The following SLC39A9 variants were observed in gnomAD, a reference collection of about 807,000 sequenced individuals.
The protein encoded by SLC39A9 is zinc transporter ZIP9.
SLC39A9 carries 14 observed loss-of-function variants against 28.4 expected under a neutral mutation model. That is an observed-to-expected ratio of 0.49 (90% CI 0.33 to 0.77). The LOEUF is 0.77. Ranked by LOEUF, SLC39A9 falls within the 30% of genes least tolerant of loss-of-function variation. SLC39A9 has a pLI of 0.02. For missense variants in SLC39A9, 283 were observed against 381.1 expected (o/e 0.74, Z 2.14); for synonymous variants, 119 against 149.6 (o/e 0.80, Z 1.49).
At chr14:69,418,134 G>T (rs554318490) in intron 1 of SLC39A9, among the ~76,000 whole-genome samples, 1 of 152,182 alleles carries the variant, frequency 6.6e-6, no homozygotes, top group African/African-American at 2.4e-5. Flanking sequence ...TTTGAGGTAC[G>T]TCCCATCAGT....
chr14:69,398,619 C>G, upstream of SLC39A9: 1 of 269,950 alleles, frequency 3.7e-6, no homozygotes, highest in East Asian at 1.0e-4. Flanking sequence ...TATCCTGGGC[C>G]GGAGGTCGGT....
intron 2 of SLC39A9, among the ~76,000 whole-genome samples, chr14:69,430,997 C>T (rs192009518): frequency 6.6e-6 from 1 of 152,152 alleles, no homozygotes; most frequent in Non-Finnish European, 1.5e-5. Context: ...TTAAAATCAG[C>T]TTGTCAAATA....
chr14:69,420,599 G>C (rs1353070006), intron 1 of SLC39A9, among the ~76,000 whole-genome samples: 1 of 152,150 alleles, frequency 6.6e-6, no homozygotes, highest in East Asian at 1.9e-4. Context: ...GTGTTTTCCA[G>C]CTTGGTTCCA....
In SLC39A9 at chr14:69,459,987, A is replaced by G. The variant is rs1237841779; in HGVS notation, c.*1394A>G. 1 of 984,964 alleles carries G rather than the reference A, an allele frequency of 1.0e-6. No homozygotes were observed. The highest frequency in any genetic ancestry group is 1.1e-4 in the East Asian group (1 of 8,822). 61.0% of individuals were successfully genotyped at this position (984,964 alleles called of 1,614,324 possible). ...CATGTGTAAATTGACACAATCACTA[A>G]TCTGGTAATTTAAACAATTGAGATA... On this transcript the variant is annotated 3_prime_UTR_variant, in exon 7 of 7. Coordinates refer to ENST00000336643, the MANE Select transcript of SLC39A9 (RefSeq NM_018375.5).
chr14:69,403,846 C>T (rs1042088600), intron 1 of SLC39A9, among the ~76,000 whole-genome samples: 5 of 152,046 alleles, frequency 3.3e-5, no homozygotes, highest in African/African-American at 1.2e-4. Context: ...GAGTTCGAGA[C>T]CACCCTGACC....
chr14:69,444,595 G>A, intron 3 of SLC39A9, among the ~76,000 whole-genome samples: 1 of 152,110 alleles, frequency 6.6e-6, no homozygotes, highest in South Asian at 2.1e-4. Flanking sequence ...GAGGAATTTG[G>A]CAGTATCTTA....
At chr14:69,441,216 G>C (rs1293901359) in intron 2 of SLC39A9, among the ~76,000 whole-genome samples, 1 of 152,136 alleles carries the variant, frequency 6.6e-6, no homozygotes, top group Non-Finnish European at 1.5e-5. Flanking sequence ...GGGAGGTCGA[G>C]GGTGCAGTGA....
chr14:69,416,287 C>A (rs1285136058), intron 1 of SLC39A9, among the ~76,000 whole-genome samples: 1 of 152,220 alleles, frequency 6.6e-6, no homozygotes, highest in Non-Finnish European at 1.5e-5. Flanking sequence ...CATGTCCCTA[C>A]AAAGGACGTG....
chr14:69,442,493 C>T (rs1028845329), intron 3 of SLC39A9, among the ~76,000 whole-genome samples: 4 of 152,166 alleles, frequency 2.6e-5, no homozygotes, highest in Non-Finnish European at 4.4e-5. Flanking sequence ...AAAGTTGTCA[C>T]ATTTGGTTGA....
intron 1 of SLC39A9, among the ~76,000 whole-genome samples, chr14:69,408,427 A>G (rs1883061500): frequency 6.6e-6 from 1 of 152,218 alleles, no homozygotes; most frequent in South Asian, 2.1e-4. Flanking sequence ...AAAATCAAAT[A>G]AGGCTGAACA....
At position 69,459,534 on chromosome 14, in the gene SLC39A9, T is replaced by G. The variant is rs1886019918; in HGVS notation, c.*941T>G. The G allele has an allele frequency of 1.0e-6, 1 of 978,940 alleles. No individual in the cohort carries two copies. Among genetic ancestry groups the G allele is most frequent in the Admixed American group, 6.2e-5 (1 of 16,006 alleles). The allele number at this position is 978,940 out of a possible 1,614,324, so 60.6% of individuals were successfully genotyped here. ...AGCTTTTTTTAAAAGACTACCAAAA[T>G]GTATGGTTGTCCTTTTTTTTTGTTT... On this transcript the variant is annotated 3_prime_UTR_variant, in exon 7 of 7. Transcript: ENST00000336643.
At chr14:69,427,297 C>T (rs1253681580) in intron 2 of SLC39A9, among the ~76,000 whole-genome samples, 1 of 152,150 alleles carries the variant, frequency 6.6e-6, no homozygotes, top group East Asian at 1.9e-4. Flanking sequence ...AGCCACTGTA[C>T]CCAGCCAGAG....
At chr14:69,409,537 A>G (rs1294112313) in intron 1 of SLC39A9, among the ~76,000 whole-genome samples, 7 of 152,038 alleles carry the variant, frequency 4.6e-5, no homozygotes, top group African/African-American at 1.2e-4. Context: ...AGGTCTCACT[A>G]TGTTGCCCAG....
At chr14:69,453,349 G>A (rs769753432) in intron 4 of SLC39A9, 40 bp downstream of exon 4, 20 of 1,560,502 alleles carry the variant, frequency 1.3e-5, no homozygotes, top group South Asian at 1.0e-4. Flanking sequence ...GTTTTCTATC[G>A]CACAGGGGAG....
chr14:69,415,111 A>G (rs1316013842), intron 1 of SLC39A9, among the ~76,000 whole-genome samples: 2 of 152,194 alleles, frequency 1.3e-5, no homozygotes, highest in Non-Finnish European at 2.9e-5. Flanking sequence ...AGCTTCTATG[A>G]ATATTCTTGT....
intron 1 of SLC39A9, among the ~76,000 whole-genome samples, chr14:69,420,158 G>A (rs1023542331): frequency 3.3e-5 from 5 of 152,122 alleles, no homozygotes; most frequent in Non-Finnish European, 5.9e-5. Context: ...TCCATGTTTA[G>A]TGCTTCCTTC....
Position 69,461,394 on chromosome 14 carries a change from T to C in SLC39A9, c.*2801T>C. ...TGATGTTCCAGGTTTGATTCAGTTT[T>C]CCTGTGCACACTATTGCCAAATTTT... On this transcript the variant is annotated 3_prime_UTR_variant, in exon 7 of 7. Transcript: ENST00000336643. 1 of 1,196,628 alleles carries C rather than the reference T, an allele frequency of 8.4e-7. No individual in the cohort carries two copies. The highest frequency in any genetic ancestry group is 3.8e-5 in the Admixed American group (1 of 26,268). The allele number at this position is 1,196,628 out of a possible 1,614,324, so 74.1% of individuals were successfully genotyped here. A position where few individuals can be genotyped will look rare whatever the true frequency, so the allele number is the denominator to read the frequency against.
At chr14:69,430,300 T>A (rs1884422267) in intron 2 of SLC39A9, among the ~76,000 whole-genome samples, 1 of 152,244 alleles carries the variant, frequency 6.6e-6, no homozygotes, top group African/African-American at 2.4e-5. Flanking sequence ...CTCTTTTGTT[T>A]TCTTCTAGAA....
chr14:69,428,286 A>C (rs897257367), intron 2 of SLC39A9, among the ~76,000 whole-genome samples: 3 of 152,080 alleles, frequency 2.0e-5, no homozygotes, highest in Non-Finnish European at 4.4e-5. Flanking sequence ...AAAAAAAAAA[A>C]AAAAAGTTTA....
Sources: gnomAD v4.1 joint callset for allele counts (sites outside exome capture counted in the v4.1 genomes callset) on GRCh38, gnomAD v4.1.1 for gene constraint, MANE v1.5 for transcripts, NCBI Gene and HGNC (gene_info 2026-07-23, HGNC 2026-07-21) for gene names.